PRSS55: variants seen among roughly 807,000 people sequenced by gnomAD.
The protein encoded by PRSS55 is serine protease 55.
PRSS55 carries 41 observed loss-of-function variants against 23.6 expected under a neutral mutation model. That is an observed-to-expected ratio of 1.74 (90% CI 1.35 to 2.26). The LOEUF is 2.26. Among genes scored for constraint, PRSS55 ranks in the 30% most tolerant of loss-of-function variants. PRSS55 has a pLI of 0.00. For missense variants in PRSS55, 669 were observed against 439.1 expected, an observed-to-expected ratio of 1.52 and a Z score of -4.68; for synonymous variants, 262 against 175.5, an observed-to-expected ratio of 1.49 and a Z score of -3.90.
downstream of PRSS55, chr8:10,541,034 G>C (rs556751334): frequency 6.6e-6 from 1 of 152,666 alleles, no homozygotes; most frequent in African/African-American, 2.4e-5. Context: ...CATAGAACTC[G>C]AGCCTGGCCT....
intron 4 of PRSS55, among the ~76,000 whole-genome samples, chr8:10,544,723 TATTAGA>T (rs1326012665): frequency 6.6e-6 from 1 of 152,226 alleles, no homozygotes; most frequent in African/African-American, 2.4e-5. Context: ...CATCTCAACT[TATTAGA>T]ATTAACTTCT....
Position 10,549,786 on chromosome 8 carries a change from C to T in PRSS55, c.742-4157C>T, listed in dbSNP as rs182269292. ...AGCACAGGCACAGCCAGCAGCTCCC[C>T]GCTCTGTCATTTCTCTAAACTGCAA... On this transcript the variant is annotated intron_variant, in intron 4 of 4. Transcript: ENST00000522210. Among the ~76,000 whole-genome samples, 86 of 140,334 alleles carry T rather than the reference C, an allele frequency of 6.1e-4. No individual in the cohort carries two copies. In the South Asian group the frequency reaches 0.018, roughly 30 times the overall value. The allele number at this position is 140,334 out of a possible 152,430, so 92.1% of individuals were successfully genotyped here.
At chr8:10,527,510 GA>G (rs1338239059) in intron 1 of PRSS55, among the ~76,000 whole-genome samples, 1 of 152,248 alleles carries the variant, frequency 6.6e-6, no homozygotes, top group African/African-American at 2.4e-5. Context: ...AGGAAATAAG[GA>G]GTCACCAGGA....
intron 2 of PRSS55, among the ~76,000 whole-genome samples, chr8:10,530,180 C>T (rs1812199430): frequency 6.6e-6 from 1 of 152,228 alleles, no homozygotes; most frequent in African/African-American, 2.4e-5. Flanking sequence ...AAGAAACTTT[C>T]CCCTATTGGC....
chr8:10,527,885 T>C (rs1812093399), intron 1 of PRSS55, among the ~76,000 whole-genome samples: 2 of 152,166 alleles, frequency 1.3e-5, no homozygotes, highest in South Asian at 4.1e-4. Flanking sequence ...AAGCATCATA[T>C]GTAAATAAAA....
chr8:10,554,120 G>A, exon 5 of PRSS55: 1 of 799,564 alleles, frequency 1.3e-6, no homozygotes, highest in Non-Finnish European at 1.9e-6. Flanking sequence ...CTTTGAGGGT[G>A]TTTTCTGTCC....
At chr8:10,529,323 A>G (rs1339566410) in intron 1 of PRSS55, 184 bp from the exon 2 acceptor site, 3 of 646,560 alleles carry the variant, frequency 4.6e-6, no homozygotes, top group Admixed American at 2.3e-5. Flanking sequence ...TGTAGACAAA[A>G]TAAACCATCT....
In PRSS55 at chr8:10,529,743, C is replaced by A. The variant is rs761094776; in HGVS notation, c.347+44C>A. On this transcript the variant is annotated intron_variant, in intron 2 of 4. Coordinates refer to ENST00000328655, the MANE Select transcript of PRSS55 (RefSeq NM_198464.4). ...CCACTGCCACCTCTCAGGGCGCCCA[C>A]CCCTGGGGCACCCTCCCCCTCACCC... 1.9e-6 allele frequency: 3 copies of A among 1,562,110 alleles called. No homozygotes were observed. In the South Asian group the frequency reaches 3.5e-5, roughly 18 times the overall value.
At chr8:10,542,544 T>G (rs779932231), downstream of PRSS55, among the ~76,000 whole-genome samples, 3 of 151,778 alleles carry the variant, frequency 2.0e-5, no homozygotes, top group Non-Finnish European at 2.9e-5. Context: ...AGTTTTGTGG[T>G]GGGTAATTTG....
At chr8:10,525,820 C>G in intron 1 of PRSS55, 81 bp downstream of exon 1, 1 of 1,442,820 alleles carries the variant, frequency 6.9e-7, no homozygotes, top group South Asian at 1.4e-5. Context: ...TCGCAGAGCA[C>G]AAGGCCAGAG....
chr8:10,539,459 G>C (rs527701784), downstream of PRSS55, among the ~76,000 whole-genome samples: 13 of 152,300 alleles, frequency 8.5e-5, no homozygotes, highest in Non-Finnish European at 1.8e-4. Flanking sequence ...CTACCTTAAA[G>C]ACAACAGCTT....
At chr8:10,551,026 C>T (rs1416199202) in intron 4 of PRSS55, among the ~76,000 whole-genome samples, 5 of 152,202 alleles carry the variant, frequency 3.3e-5, no homozygotes, top group Non-Finnish European at 5.9e-5. Context: ...CCCCTGTTGC[C>T]GCCACCTTCT....
chr8:10,540,715 C>CA (rs577780714), downstream of PRSS55: 27 of 150,092 alleles, frequency 1.8e-4, no homozygotes, highest in African/African-American at 4.4e-4. Context: ...ACTCTATCTC[C>CA]AAAAAAAAAG....
intron 4 of PRSS55, among the ~76,000 whole-genome samples, chr8:10,537,875 T>G (rs1812510881): frequency 6.6e-6 from 1 of 152,138 alleles, no homozygotes; most frequent in East Asian, 1.9e-4. Context: ...TGTGGGGCAT[T>G]TGTTTGATTT....
Position 10,525,965 on chromosome 8 carries a change from GGCTGCCCTGAA to G in PRSS55, c.154+230_154+240del, listed in dbSNP as rs577906009. Among the ~76,000 whole-genome samples, 3 of 152,336 alleles carry G rather than the reference GGCTGCCCTGAA, an allele frequency of 2.0e-5. No homozygotes were observed. In the East Asian group the frequency reaches 5.8e-4, roughly 29 times the overall value. On this transcript the variant is annotated intron_variant, in intron 1 of 4. Coordinates refer to ENST00000328655, the MANE Select transcript of PRSS55 (RefSeq NM_198464.4). ...ACACTTTATCCTCAGAGGAATAGCA[GGCTGCCCTGAA>G]GCTCTTGCCTAGAACTAGCTGAGAC...
chr8:10,541,805 C>A (rs1374029773), downstream of PRSS55, among the ~76,000 whole-genome samples: 1 of 152,136 alleles, frequency 6.6e-6, no homozygotes, highest in Non-Finnish European at 1.5e-5. Flanking sequence ...GTCGCCCAGG[C>A]TGGAGTGCAG....
In PRSS55 at chr8:10,525,715, C is replaced by A. The variant is rs200221119; in HGVS notation, c.130C>A (p.Pro44Thr). 2 of 1,611,096 alleles carry A rather than the reference C, an allele frequency of 1.2e-6. No homozygotes were observed. The highest frequency in any genetic ancestry group is 1.7e-6 in the Non-Finnish European group (2 of 1,178,842). ...TAGGGGAGCCCACCGCCCTCAGCCC[C>A]CTCATCCCCCCAGCCCAGTCAGTGG... ...RARGAHRPQP[P>T]HPPSPVSECG... Residue 44 changes from proline (P) to threonine (T), a missense_variant, in exon 1 of 5, where the codon CCT (proline) becomes ACT (threonine). Transcript: ENST00000328655.
intron 4 of PRSS55, among the ~76,000 whole-genome samples, chr8:10,535,678 G>A (rs1812429341): frequency 6.6e-6 from 1 of 152,168 alleles, no homozygotes. Flanking sequence ...ATTTCATGAG[G>A]AAGTCTCCAA....
rs1302252114 is a variant in PRSS55 at position 10,554,048 on chromosome 8, T to G, written c.*16T>G. ...GCAAAACTGATGCTTTGCTCTTTCTTCTACATGGAGCCATTTTTGGGGCAG... is the reference window on the plus strand; with the variant it reads ...GCAAAACTGATGCTTTGCTCTTTCTGCTACATGGAGCCATTTTTGGGGCAG... On this transcript the variant is annotated 3_prime_UTR_variant, in exon 5 of 5. Coordinates refer to the PRSS55 transcript ENST00000522210. The G allele has an allele frequency of 2.7e-6, 4 of 1,508,672 alleles. No individual in the cohort carries two copies. In the South Asian group the frequency reaches 5.1e-5, roughly 19 times the overall value. 93.5% of individuals were successfully genotyped at this position (1,508,672 alleles called of 1,614,324 possible).
Sources: gnomAD v4.1 joint callset for allele counts (sites outside exome capture counted in the v4.1 genomes callset) on GRCh38, gnomAD v4.1.1 for gene constraint, MANE v1.5 for transcripts, NCBI Gene and HGNC (gene_info 2026-07-23, HGNC 2026-07-21) for gene names.